IL12A: variants seen among roughly 807,000 people sequenced by gnomAD.
IL12A encodes interleukin 12A.
A neutral mutation model predicts 23.5 loss-of-function variants in IL12A; 16 were observed. That is an observed-to-expected ratio of 0.68 (90% CI 0.46 to 1.03). IL12A has a LOEUF of 1.03. IL12A is among the 50% of genes least tolerant of loss of function. The pLI is 0.00. For synonymous variants in IL12A, 106 were observed against 111.5 expected, an observed-to-expected ratio of 0.95 and a Z score of 0.31; for missense variants, 275 against 307.0, an observed-to-expected ratio of 0.90 and a Z score of 0.78.
intron 6 of IL12A, among the ~76,000 whole-genome samples, chr3:159,994,992 A>T (rs1186231035): frequency 6.6e-6 from 1 of 152,176 alleles, no homozygotes; most frequent in African/African-American, 2.4e-5. Context: ...GTCTTCAGTA[A>T]ACAGGCCTGT....
intron 2 of IL12A, 142 bp downstream of exon 2, chr3:159,990,454 T>G (rs530991729): frequency 1.3e-6 from 1 of 793,014 alleles, no homozygotes; most frequent in African/African-American, 1.7e-5. Context: ...AGAGGGAACT[T>G]TACAAATGGC....
At chr3:159,989,240 T>G (rs1577555252) in intron 1 of IL12A, 66 bp downstream of exon 1, 1 of 1,295,622 alleles carries the variant, frequency 7.7e-7, no homozygotes, top group Non-Finnish European at 1.1e-6. Flanking sequence ...TTGGGAAGAG[T>G]GGGTAGAAAC....
At position 159,989,731 on chromosome 3, in the gene IL12A, C is replaced by T. The variant is rs373241627; in HGVS notation, c.119-436C>T. On this transcript the variant is annotated intron_variant, in intron 1 of 6. Transcript: ENST00000305579. ...CTCGGAGGTGGAGGTTGCAGTGAGC[C>T]AAAATCGTGCCACTGCACTCCAGTC... 1.1e-4 allele frequency among the ~76,000 whole-genome samples: 16 copies of T among 152,224 alleles called. No homozygotes were observed. The South Asian group carries it at 2.7e-3, about 26-fold the overall frequency.
chr3:159,990,819 T>C (rs975212705), intron 2 of IL12A, among the ~76,000 whole-genome samples: 2 of 152,196 alleles, frequency 1.3e-5, no homozygotes, highest in African/African-American at 4.8e-5. Context: ...CATGCAGCCT[T>C]CATTTTCTAG....
At chr3:159,992,243 CCCT>C (rs1194412048) in intron 2 of IL12A, among the ~76,000 whole-genome samples, 5 of 152,158 alleles carry the variant, frequency 3.3e-5, no homozygotes, top group Non-Finnish European at 5.9e-5. Context: ...CCCTTCCTGC[CCCT>C]CCTCAGAAGC....
chr3:159,993,410 A>G, intron 3 of IL12A, 41 bp from the exon 4 acceptor site: 1 of 1,492,302 alleles, frequency 6.7e-7, no homozygotes, highest in Non-Finnish European at 9.2e-7. Flanking sequence ...AAAGATTTAT[A>G]CTAAGAATTA....
chr3:159,989,237 G>A, intron 1 of IL12A, 63 bp downstream of exon 1: 1 of 1,307,762 alleles, frequency 7.6e-7, no homozygotes, highest in Non-Finnish European at 1.1e-6. Flanking sequence ...TGCTTGGGAA[G>A]AGTGGGTAGA....
In IL12A at chr3:159,993,584, C is replaced by A; in HGVS notation, c.437C>A (p.Ala146Asp). The A allele has an allele frequency of 6.2e-7, 1 of 1,614,098 alleles. No individual in the cohort carries two copies. The highest frequency in any genetic ancestry group is 8.5e-7 in the Non-Finnish European group (1 of 1,179,996). Reference sequence around the variant, plus strand: ...TTCCTCTAGAATGGGAGTTGCCTGGCCTCCAGAAAGACCTCTTTTATGATG... The same window carrying A: ...TTCCTCTAGAATGGGAGTTGCCTGGACTCCAGAAAGACCTCTTTTATGATG... The change falls in exon 5 of 7, where the codon GCC becomes GAC. Residue 146 changes from alanine to aspartate, a missense_variant. Coordinates refer to ENST00000305579, the MANE Select transcript of IL12A (RefSeq NM_000882.4).
intron 6 of IL12A, among the ~76,000 whole-genome samples, chr3:159,994,053 A>T (rs777537283): frequency 1.3e-5 from 2 of 152,098 alleles, no homozygotes; most frequent in Non-Finnish European, 2.9e-5. Flanking sequence ...CAAAGTATTC[A>T]CTCTGTGGTA....
Position 159,989,109 on chromosome 3 carries a change from C to G in IL12A, c.53C>G (p.Thr18Arg). 1.9e-6 allele frequency: 3 copies of G among 1,613,284 alleles called. No homozygotes were observed. Among genetic ancestry groups the G allele is most frequent in the Non-Finnish European group, 1.7e-6 (2 of 1,179,808 alleles). The change falls in exon 1 of 7, where the codon ACA (threonine) becomes AGA (arginine). Residue 18 changes from threonine to arginine, a missense_variant. By Grantham distance (71) the Thr-to-Arg change is moderately conservative. Coordinates refer to ENST00000305579, the MANE Select transcript of IL12A (RefSeq NM_000882.4). ...CCACCGCCCTCACCTGCCGCGGCCA[C>G]AGGTCTGCATCCAGCGGCTCGCCCT...
Position 159,992,994 on chromosome 3 carries a change from C to T in IL12A, c.265-18C>T, listed in dbSNP as rs1432092185. ...ATTATCAATGTTATAAACTGAGTTT[C>T]TCCTTCATTTTTTATAGGCCAGACA... is the stretch of plus-strand genomic sequence containing the variant. On this transcript the variant is annotated intron_variant, in intron 2 of 6. Coordinates refer to ENST00000305579, the MANE Select transcript of IL12A (RefSeq NM_000882.4). The T allele has an allele frequency of 3.1e-5, 45 of 1,433,620 alleles. No individual in the cohort carries two copies. Among genetic ancestry groups the T allele is most frequent in the Non-Finnish European group, 4.1e-5 (42 of 1,017,490 alleles). 88.8% of individuals were successfully genotyped at this position (1,433,620 alleles called of 1,614,324 possible).
In IL12A at chr3:159,988,970, T is replaced by G; in HGVS notation, c.-87T>G. 2 of 1,105,298 alleles carry G rather than the reference T, an allele frequency of 1.8e-6. No individual in the cohort carries two copies. 68.5% of individuals were successfully genotyped at this position (1,105,298 alleles called of 1,614,324 possible). A position where few individuals can be genotyped will look rare whatever the true frequency, so the allele number is the denominator to read the frequency against. Reference sequence around the variant, plus strand: ...CGCACCGCACGTGTCACCGAGAAGCTGATGTAGAGAGAGACACAGAAGGAG... The same window carrying G: ...CGCACCGCACGTGTCACCGAGAAGCGGATGTAGAGAGAGACACAGAAGGAG... On this transcript the variant is annotated 5_prime_UTR_variant, in exon 1 of 7. Coordinates refer to ENST00000305579, the MANE Select transcript of IL12A (RefSeq NM_000882.4).
intron 6 of IL12A, chr3:159,994,204 A>G (rs1445543748): frequency 5.2e-6 from 1 of 192,202 alleles, no homozygotes; most frequent in African/African-American, 2.3e-5. Context: ...AAATCCTTCA[A>G]GAGGATTTCA....
chr3:159,988,847 T>G lies in IL12A; in HGVS notation c.-210T>G, dbSNP rs900529502. The G allele has an allele frequency of 8.7e-6, 5 of 576,924 alleles. No individual in the cohort carries two copies. The African/African-American group carries it at 9.7e-5, about 11-fold the overall frequency. The allele number at this position is 576,924 out of a possible 1,614,324, so 35.7% of individuals were successfully genotyped here. On this transcript the variant is annotated 5_prime_UTR_variant, in exon 1 of 7. Coordinates refer to ENST00000305579, the MANE Select transcript of IL12A (RefSeq NM_000882.4). ...AGTAACTGCGAACATTTCGCTTTCATTTTGGGCCGAGCTGGAGGCGGCGGG... is the reference window on the plus strand; with the variant it reads ...AGTAACTGCGAACATTTCGCTTTCAGTTTGGGCCGAGCTGGAGGCGGCGGG...
intron 1 of IL12A, among the ~76,000 whole-genome samples, chr3:159,989,958 C>A (rs1720239777): frequency 6.6e-6 from 1 of 152,224 alleles, no homozygotes; most frequent in Non-Finnish European, 1.5e-5. Context: ...TAGACCCTCA[C>A]AGGGAGCTGG....
chr3:159,995,617 T>C lies in IL12A; in HGVS notation c.*58T>C. The stretch of plus-strand genomic sequence containing the variant: ...TATAAAACTTTGAAATGAGGAAACT[T>C]TGATAGGATGTGGATTAAGAACTAG... On this transcript the variant is annotated 3_prime_UTR_variant, in exon 7 of 7. Transcript: ENST00000305579. 3.7e-6 allele frequency: 5 copies of C among 1,360,652 alleles called. No homozygotes were observed. Among genetic ancestry groups the C allele is most frequent in the Non-Finnish European group, 4.0e-6 (4 of 996,154 alleles). 84.3% of individuals were successfully genotyped at this position (1,360,652 alleles called of 1,614,324 possible).
chr3:159,993,684 C>G lies in IL12A; in HGVS notation c.463-17C>G, dbSNP rs762313783. 1 of 1,614,134 alleles carries G rather than the reference C, an allele frequency of 6.2e-7. No individual in the cohort carries two copies. Among genetic ancestry groups the G allele is most frequent in the Non-Finnish European group, 8.5e-7 (1 of 1,179,996 alleles). On this transcript the variant is annotated splice_polypyrimidine_tract_variant and intron_variant, in intron 5 of 6. Coordinates refer to ENST00000305579, the MANE Select transcript of IL12A (RefSeq NM_000882.4). ...CCCATCTCAATGGATACTTCCCCAT[C>G]TTGTCATGTCACCCAGGCCCTGTGC... is the stretch of plus-strand genomic sequence containing the variant.
At chr3:159,990,412 G>A in intron 2 of IL12A, 100 bp downstream of exon 2, 2 of 1,272,624 alleles carry the variant, frequency 1.6e-6, no homozygotes, top group South Asian at 1.4e-5. Context: ...CAGAGAAATT[G>A]TGGAAGTTCA....
intron 6 of IL12A, among the ~76,000 whole-genome samples, chr3:159,994,487 G>A (rs971724354): frequency 4.6e-5 from 7 of 152,098 alleles, no homozygotes; most frequent in Admixed American, 3.3e-4. Flanking sequence ...TTATATAAGC[G>A]AGGGTGACTG....
Sources: gnomAD v4.1 joint callset for allele counts (sites outside exome capture counted in the v4.1 genomes callset) on GRCh38, gnomAD v4.1.1 for gene constraint, MANE v1.5 for transcripts, NCBI Gene and HGNC (gene_info 2026-07-23, HGNC 2026-07-21) for gene names.